Variants in LVRN observed in about 807,000 individuals in gnomAD.
LVRN encodes the protein laeverin.
A neutral mutation model predicts 111.4 loss-of-function variants in LVRN; 99 were observed. The ratio of observed to expected loss-of-function variants is 0.89; its 90% confidence interval spans 0.76 to 1.05. The LOEUF is 1.05. Among genes scored for constraint, LVRN ranks in the 50% least tolerant of loss-of-function variants. The pLI, the probability that LVRN is intolerant of heterozygous loss-of-function variation, is 0.00. For synonymous variants in LVRN, 488 were observed against 449.5 expected (o/e 1.09, Z -1.08); for missense variants, 1,414 against 1,206.8 (o/e 1.17, Z -2.54).
At chr5:116,002,320 C>T (rs1001775007) in intron 10 of LVRN, among the ~76,000 whole-genome samples, 15 of 152,190 alleles carry the variant, frequency 9.9e-5, no homozygotes, top group African/African-American at 3.4e-4. Flanking sequence ...ATCCAGGTAG[C>T]GTCCAGCAAT....
chr5:116,006,602 G>C (rs2112615614), intron 13 of LVRN, among the ~76,000 whole-genome samples: 1 of 152,168 alleles, frequency 6.6e-6, no homozygotes, highest in African/African-American at 2.4e-5. Flanking sequence ...TGCAAACCTG[G>C]TTCTCCTCAT....
chr5:115,964,425 C>A (rs76899255), intron 1 of LVRN, among the ~76,000 whole-genome samples: 4,823 of 152,144 alleles, frequency 0.032, 140 homozygotes, highest in Non-Finnish European at 0.048. Context: ...TTAAGGGCAG[C>A]GTGCTTGGTT....
At chr5:116,004,756 TG>T (rs767805035) in intron 12 of LVRN, among the ~76,000 whole-genome samples, 8 of 152,188 alleles carry the variant, frequency 5.3e-5, no homozygotes, top group Non-Finnish European at 1.0e-4. Context: ...ATTTCTTATT[TG>T]TGTAATAATG....
chr5:115,994,038 A>C (rs59364205), intron 6 of LVRN, among the ~76,000 whole-genome samples, 184 bp downstream of exon 6: 28,821 of 151,794 alleles, frequency 0.19, 3,156 homozygotes, highest in East Asian at 0.48. Context: ...TATCTATTGT[A>C]AATGTTTTTG....
Position 116,026,433 on chromosome 5 carries a change from G to A in LVRN, c.*315G>A. The A allele has an allele frequency of 2.8e-6, 1 of 353,358 alleles. No individual in the cohort carries two copies. The highest frequency in any genetic ancestry group is 5.3e-6 in the Non-Finnish European group (1 of 188,516). 21.9% of individuals were successfully genotyped at this position (353,358 alleles called of 1,614,324 possible). ...ATAGTCTTGCTTATTTTGTTGCGAA[G>A]GCCAGTGGAATATAAAAATCAATGG... On this transcript the variant is annotated 3_prime_UTR_variant, in exon 20 of 20. Coordinates refer to ENST00000357872, the MANE Select transcript of LVRN (RefSeq NM_173800.5).
At chr5:115,994,110 C>A (rs1433323922) in intron 6 of LVRN, among the ~76,000 whole-genome samples, 1 of 151,626 alleles carries the variant, frequency 6.6e-6, no homozygotes, top group Non-Finnish European at 1.5e-5. Flanking sequence ...CTTCATATTT[C>A]TACATATTCA....
Position 116,015,431 on chromosome 5 carries a change from C to A in LVRN, c.2618+12C>A. On this transcript the variant is annotated intron_variant, in intron 17 of 19. Transcript: ENST00000357872. ...TGGATACTTAACAGGTGATTATGGT[C>A]AACTTACCTTGAAAGTTTCTGTTAT... 2 of 1,518,896 alleles carry A rather than the reference C, an allele frequency of 1.3e-6. No homozygotes were observed. The highest frequency in any genetic ancestry group is 2.6e-5 in the South Asian group (2 of 77,328). The allele number at this position is 1,518,896 out of a possible 1,614,324, so 94.1% of individuals were successfully genotyped here. A position where few individuals can be genotyped will look rare whatever the true frequency, so the allele number is the denominator to read the frequency against.
chr5:115,978,600 T>C (rs1753495467), intron 1 of LVRN, among the ~76,000 whole-genome samples: 1 of 152,152 alleles, frequency 6.6e-6, no homozygotes, highest in South Asian at 2.1e-4. Context: ...TCCTGTGTAA[T>C]ATTCAAACCT....
chr5:115,992,557 T>A (rs1399677526), intron 5 of LVRN, among the ~76,000 whole-genome samples: 1 of 152,174 alleles, frequency 6.6e-6, no homozygotes, highest in Admixed American at 6.5e-5. Context: ...TCAGGAAAAG[T>A]TAAACCATGC....
Position 115,995,559 on chromosome 5 carries a change from A to G in LVRN, c.1374+1705A>G, listed in dbSNP as rs144409229. ...GTACTGAAAGGTTAAATGACTTGCCAAAGGTAATTTGCCCAACTGGGACAG... is the reference window on the plus strand; with the variant it reads ...GTACTGAAAGGTTAAATGACTTGCCGAAGGTAATTTGCCCAACTGGGACAG... On this transcript the variant is annotated intron_variant, in intron 6 of 19. Coordinates refer to ENST00000357872, the MANE Select transcript of LVRN (RefSeq NM_173800.5). The G allele has an allele frequency of 1.6e-4, 24 of 152,376 alleles. No homozygotes were observed. The East Asian group carries it at 1.9e-3, about 12-fold the overall frequency. The allele number at this position is 152,376 out of a possible 1,614,324, so 9.4% of individuals were successfully genotyped here. A position where few individuals can be genotyped will look rare whatever the true frequency, so the allele number is the denominator to read the frequency against.
intron 1 of LVRN, among the ~76,000 whole-genome samples, chr5:115,963,882 C>T (rs1377124994): frequency 6.6e-6 from 1 of 152,194 alleles, no homozygotes; most frequent in African/African-American, 2.4e-5. Context: ...ACCCCTGAAG[C>T]TTATCGTTCT....
At position 115,963,276 on chromosome 5, in the gene LVRN, T is replaced by C. The variant is rs767458350; in HGVS notation, c.659T>C (p.Leu220Pro). Residue 220 changes from leucine to proline, a missense_variant, in exon 1 of 20, where the codon CTC becomes CCC. Transcript: ENST00000357872. ...GLVKEDLREG[L>P]FLNVYTDQGE... ...GTGAAGGAAGACCTCAGGGAGGGACTCTTCCTCAACGTCTACACCGACCAG... is the reference window on the plus strand; with the variant it reads ...GTGAAGGAAGACCTCAGGGAGGGACCCTTCCTCAACGTCTACACCGACCAG... 1.9e-6 allele frequency: 3 copies of C among 1,612,476 alleles called. No homozygotes were observed. Among genetic ancestry groups the C allele is most frequent in the Non-Finnish European group, 2.5e-6 (3 of 1,179,852 alleles).
chr5:116,010,208 AT>A (rs1400300099), intron 13 of LVRN, among the ~76,000 whole-genome samples: 9 of 152,184 alleles, frequency 5.9e-5, no homozygotes, highest in Non-Finnish European at 1.3e-4. Context: ...ACATAATGCC[AT>A]TGCTACTTAA....
chr5:115,993,301 A>G (rs1748034850), intron 5 of LVRN, among the ~76,000 whole-genome samples: 3 of 152,130 alleles, frequency 2.0e-5, no homozygotes, highest in Admixed American at 1.3e-4. Flanking sequence ...CACAGATCAA[A>G]TTATTTTCTT....
intron 3 of LVRN, 68 bp from the exon 4 acceptor site, chr5:115,987,745 C>G: frequency 6.5e-7 from 1 of 1,529,178 alleles, no homozygotes; most frequent in Non-Finnish European, 8.8e-7. Flanking sequence ...GGAATTGGAG[C>G]AAGCAGACTA....
intron 18 of LVRN, among the ~76,000 whole-genome samples, chr5:116,020,689 G>A (rs1025775600): frequency 3.9e-5 from 6 of 152,202 alleles, no homozygotes; most frequent in African/African-American, 1.4e-4. Flanking sequence ...TGGGGGGCCT[G>A]TTCCCATGGC....
intron 1 of LVRN, among the ~76,000 whole-genome samples, chr5:115,980,304 A>G (rs899736434): frequency 2.0e-5 from 3 of 152,050 alleles, no homozygotes; most frequent in African/African-American, 7.2e-5. Flanking sequence ...CAGAGGTGGC[A>G]TAACTAGATC....
intron 16 of LVRN, 132 bp from the exon 17 acceptor site, chr5:116,015,120 T>C: frequency 1.5e-6 from 1 of 650,066 alleles, no homozygotes; most frequent in Non-Finnish European, 2.4e-6. Flanking sequence ...GATAATTGCC[T>C]CTCTAGATTC....
At chr5:116,003,090 A>G in intron 11 of LVRN, 151 bp from the exon 12 acceptor site, 2 of 883,126 alleles carry the variant, frequency 2.3e-6, no homozygotes, top group Non-Finnish European at 3.4e-6. Context: ...TGAAAAATAT[A>G]TAATTACCTG....
Sources: gnomAD v4.1 joint callset for allele counts (sites outside exome capture counted in the v4.1 genomes callset) on GRCh38, gnomAD v4.1.1 for gene constraint, MANE v1.5 for transcripts, NCBI Gene and HGNC (gene_info 2026-07-23, HGNC 2026-07-21) for gene names.